The following PRDM16 variants were observed in gnomAD, a reference collection of about 807,000 sequenced individuals.
The protein encoded by PRDM16 is PR/SET domain 16, also known as histone-lysine N-methyltransferase PRDM16.
Under a neutral mutation model 110.6 loss-of-function variants are expected in PRDM16, and 23 were observed. The observed-to-expected ratio is 0.21, with a 90% CI of 0.15 to 0.29. The LOEUF (loss-of-function observed/expected upper bound fraction) is 0.29. Ranked by LOEUF, PRDM16 falls within the 10% of genes least tolerant of loss-of-function variation. The pLI is 1.00. For missense variants in PRDM16, 1,615 were observed against 1,794.3 expected, an observed-to-expected ratio of 0.90 and a Z score of 1.81; for synonymous variants, 799 against 781.8, an observed-to-expected ratio of 1.02 and a Z score of -0.37.
chr1:3,133,702 G>A (rs1643380090), intron 1 of PRDM16: 2 of 152,248 alleles, frequency 1.3e-5, no homozygotes, highest in Non-Finnish European at 2.9e-5. Context: ...AGCTGGGGCT[G>A]GCAAGGCTGG....
chr1:3,335,866 C>T (rs549839240), intron 3 of PRDM16, among the ~76,000 whole-genome samples: 1 of 152,326 alleles, frequency 6.6e-6, no homozygotes, highest in South Asian at 2.1e-4. Flanking sequence ...GTGCCCCATG[C>T]TCCTGCACTG....
At chr1:3,103,338 T>C (rs1302972604) in intron 1 of PRDM16, among the ~76,000 whole-genome samples, 2 of 152,212 alleles carry the variant, frequency 1.3e-5, no homozygotes, top group East Asian at 3.9e-4. Flanking sequence ...CCTCATCTTC[T>C]AAGGGCACCC....
chr1:3,393,300 C>G (rs916218040), intron 4 of PRDM16, among the ~76,000 whole-genome samples: 3 of 152,236 alleles, frequency 2.0e-5, no homozygotes, highest in African/African-American at 7.2e-5. Context: ...TCTTCCTTTC[C>G]GGCGGCCAGT....
At chr1:3,405,001 T>A in intron 7 of PRDM16, 115 bp downstream of exon 7, 1 of 1,186,392 alleles carries the variant, frequency 8.4e-7, no homozygotes, top group Non-Finnish European at 1.2e-6. Context: ...TGCGGCAGAG[T>A]GGGTAGGAGG....
rs569724109 is a variant in PRDM16, at chr1:3,148,415, C to A, written c.38-37710C>A. ...GGCCAGAGGTGAGGAAGGAGCTGTC[C>A]GGCAGGGCTGGGCTGGGCTGGGTGT... On this transcript the variant is annotated intron_variant, in intron 1 of 16. Coordinates refer to ENST00000270722, the MANE Select transcript of PRDM16 (RefSeq NM_022114.4). This position sits in a 1 kb window ranked among gnomAD's most constrained non-coding sequence, Gnocchi z 5.0. Among the ~76,000 whole-genome samples the A allele has an allele frequency of 6.6e-6, 1 of 151,978 alleles. No homozygotes were observed. Among genetic ancestry groups the A allele is most frequent in the Non-Finnish European group, 1.5e-5 (1 of 67,974 alleles).
chr1:3,209,084 GA>G lies in PRDM16; in HGVS notation c.387+22612del, dbSNP rs1437035277. On this transcript the variant is annotated intron_variant, in intron 2 of 16. Transcript: ENST00000270722. The surrounding 1 kb of genome is among the most constrained non-coding windows in gnomAD (Gnocchi z 4.6). Reference sequence around the variant, plus strand: ...GGGAATTCAGAAGGAGCTCAGAAGGGAATGCCCTGTGCCAACCTAAACCTGG... The same window carrying G: ...GGGAATTCAGAAGGAGCTCAGAAGGGATGCCCTGTGCCAACCTAAACCTGG... 2.0e-5 allele frequency among the ~76,000 whole-genome samples: 3 copies of G among 152,326 alleles called. No individual in the cohort carries two copies. The highest frequency in any genetic ancestry group is 6.5e-5 in the Admixed American group (1 of 15,304).
At chr1:3,132,010 ACC>A (rs1643345283) in intron 1 of PRDM16, among the ~76,000 whole-genome samples, 1 of 152,132 alleles carries the variant, frequency 6.6e-6, no homozygotes, top group Non-Finnish European at 1.5e-5. Flanking sequence ...TTTTTAAAAA[ACC>A]CAATTACTGC....
intron 1 of PRDM16, among the ~76,000 whole-genome samples, chr1:3,119,565 G>A (rs981522801): frequency 2.0e-5 from 3 of 152,304 alleles, no homozygotes; most frequent in Non-Finnish European, 4.4e-5. Flanking sequence ...AGGGCAGGGG[G>A]TGATGTTGTG....
chr1:3,084,658 T>C (rs530076274), intron 1 of PRDM16, among the ~76,000 whole-genome samples: 1 of 152,284 alleles, frequency 6.6e-6, no homozygotes, highest in African/African-American at 2.4e-5. Context: ...CTTGAGAATT[T>C]GAGTCGAGGC....
chr1:3,391,812 G>C (rs1280902301), intron 4 of PRDM16, among the ~76,000 whole-genome samples: 1 of 152,228 alleles, frequency 6.6e-6, no homozygotes, highest in African/African-American at 2.4e-5. Context: ...GGAAATTGAG[G>C]CCGGCCAGAG....
intron 2 of PRDM16, among the ~76,000 whole-genome samples, chr1:3,225,573 T>TGTGTGTGTGC (rs1336272072): frequency 6.0e-4 from 78 of 129,902 alleles, no homozygotes; most frequent in African/African-American, 1.9e-3. Flanking sequence ...TGTGTGTGTG[T>TGTGTGTGTGC]GCGCGCGCGC....
At chr1:3,182,696 G>GT (rs1644225287) in intron 1 of PRDM16, among the ~76,000 whole-genome samples, 1 of 152,210 alleles carries the variant, frequency 6.6e-6, no homozygotes, top group Admixed American at 6.5e-5. Context: ...CGGGGCAGCA[G>GT]CAGGGTTTCT....
chr1:3,432,468 C>T (rs1323100045), intron 16 of PRDM16, among the ~76,000 whole-genome samples: 2 of 152,226 alleles, frequency 1.3e-5, no homozygotes, highest in Admixed American at 6.5e-5. Context: ...TCGTCTCCCT[C>T]CCTCTCTGAT....
chr1:3,379,686 A>C (rs1363299630), intron 3 of PRDM16, among the ~76,000 whole-genome samples: 7 of 2,506 alleles, frequency 2.8e-3, no homozygotes, highest in African/African-American at 6.0e-3. Context: ...CAGCACACCC[A>C]TCCCAACACA....
chr1:3,248,310 C>G (rs530898662), intron 3 of PRDM16, among the ~76,000 whole-genome samples: 1 of 152,286 alleles, frequency 6.6e-6, no homozygotes, highest in South Asian at 2.1e-4. Context: ...TTCCCTTTGT[C>G]CACTTTATCG....
chr1:3,432,743 C>T (rs371591216), intron 16 of PRDM16, among the ~76,000 whole-genome samples: 50 of 152,340 alleles, frequency 3.3e-4, no homozygotes, highest in African/African-American at 9.1e-4. Flanking sequence ...CAGCAAAAGC[C>T]GTCTGCGTGT....
At chr1:3,373,091 A>C (rs992875713) in intron 3 of PRDM16, among the ~76,000 whole-genome samples, 1 of 152,222 alleles carries the variant, frequency 6.6e-6, no homozygotes, top group Non-Finnish European at 1.5e-5. Flanking sequence ...CGTAAGGAGC[A>C]GGACACCCAG....
At chr1:3,299,087 G>C (rs1343777025) in intron 3 of PRDM16, among the ~76,000 whole-genome samples, 1 of 152,250 alleles carries the variant, frequency 6.6e-6, no homozygotes, top group South Asian at 2.1e-4. Flanking sequence ...ACACTGGCTC[G>C]GCCCTTGTTG....
At chr1:3,345,027 C>T (rs1282461101) in intron 3 of PRDM16, among the ~76,000 whole-genome samples, 1 of 152,210 alleles carries the variant, frequency 6.6e-6, no homozygotes, top group Non-Finnish European at 1.5e-5. Flanking sequence ...TCCTTCCTTT[C>T]CATGGTTTCT....
Sources: gnomAD v4.1 joint callset for allele counts (sites outside exome capture counted in the v4.1 genomes callset) on GRCh38, gnomAD v4.1.1 for gene constraint, Gnocchi (gnomAD v3.1) non-coding constraint, MANE v1.5 for transcripts, NCBI Gene and HGNC (gene_info 2026-07-23, HGNC 2026-07-21) for gene names.